AP3B1: variants seen among roughly 807,000 people sequenced by gnomAD.
AP3B1 encodes adaptor related protein complex 3 subunit beta 1.
AP3B1 carries 61 observed loss-of-function variants against 132.5 expected under a neutral mutation model. The ratio of observed to expected loss-of-function variants is 0.46; its 90% CI spans 0.37 to 0.57. The LOEUF is 0.57. Among genes scored for constraint, AP3B1 ranks in the 20% least tolerant of loss-of-function variants. AP3B1 has a pLI of 0.00. For synonymous variants in AP3B1, 388 were observed against 438.3 expected (o/e 0.89, Z 1.43); for missense variants, 1,120 against 1,289.4 (o/e 0.87, Z 2.01).
chr5:78,156,418 T>C, intron 13 of AP3B1, 51 bp from the exon 14 acceptor site: 2 of 1,248,028 alleles, frequency 1.6e-6, no homozygotes, highest in African/African-American at 1.5e-5. Flanking sequence ...TCAATTCAAA[T>C]GCAATATGCT....
intron 14 of AP3B1, among the ~76,000 whole-genome samples, chr5:78,149,877 G>A (rs1004885712): frequency 2.0e-5 from 3 of 151,524 alleles, no homozygotes; most frequent in East Asian, 1.9e-4. Context: ...GTAACTCTCC[G>A]CTGAGAGATG....
chr5:78,260,300 G>A (rs1748031096), intron 2 of AP3B1, among the ~76,000 whole-genome samples: 1 of 151,982 alleles, frequency 6.6e-6, no homozygotes, highest in Non-Finnish European at 1.5e-5. Context: ...TAAAGAATGA[G>A]GAGGGGCCGG....
chr5:78,266,405 C>T (rs1748325032), intron 2 of AP3B1, among the ~76,000 whole-genome samples: 1 of 152,158 alleles, frequency 6.6e-6, no homozygotes, highest in African/African-American at 2.4e-5. Context: ...AAGTCACTTA[C>T]AGATGTCCTA....
intron 22 of AP3B1, among the ~76,000 whole-genome samples, chr5:78,071,696 C>T (rs985780872): frequency 7.9e-5 from 12 of 152,152 alleles, no homozygotes; most frequent in South Asian, 2.1e-4. Flanking sequence ...ATTTGATGAG[C>T]ACCTATTATG....
intron 20 of AP3B1, among the ~76,000 whole-genome samples, chr5:78,104,838 T>C (rs1005711018): frequency 3.3e-5 from 5 of 152,142 alleles, no homozygotes; most frequent in Non-Finnish European, 4.4e-5. Context: ...CTCAGTTTCT[T>C]TGCACCTCCC....
chr5:78,052,594 G>C (rs1467489948), intron 22 of AP3B1, among the ~76,000 whole-genome samples: 1 of 152,146 alleles, frequency 6.6e-6, no homozygotes, highest in Non-Finnish European at 1.5e-5. Context: ...GGGTTGAGTG[G>C]TTGTGGCCTG....
chr5:78,064,106 A>C (rs1178090385), intron 22 of AP3B1, among the ~76,000 whole-genome samples: 1 of 151,442 alleles, frequency 6.6e-6, no homozygotes. Context: ...AAGTAGGGAA[A>C]AAATTTTGCC....
chr5:78,126,147 A>C (rs1752445820), intron 17 of AP3B1, among the ~76,000 whole-genome samples: 1 of 151,960 alleles, frequency 6.6e-6, no homozygotes, highest in African/African-American at 2.4e-5. Flanking sequence ...TAGGAGAGAA[A>C]GTATGTCCGT....
At chr5:78,064,027 G>A (rs553433109) in intron 22 of AP3B1, among the ~76,000 whole-genome samples, 2 of 151,146 alleles carry the variant, frequency 1.3e-5, no homozygotes, top group East Asian at 3.9e-4. Flanking sequence ...GGGGGGGTCG[G>A]GCAGGAAGAG....
At chr5:78,269,908 TTTTG>T (rs1748479345) in intron 1 of AP3B1, among the ~76,000 whole-genome samples, 1 of 152,020 alleles carries the variant, frequency 6.6e-6, no homozygotes, top group African/African-American at 2.4e-5. Context: ...TTTATTATGT[TTTTG>T]TTTGTTTGTT....
chr5:78,060,039 G>A (rs1365022375), intron 22 of AP3B1, among the ~76,000 whole-genome samples: 2 of 152,002 alleles, frequency 1.3e-5, no homozygotes, highest in African/African-American at 4.8e-5. Flanking sequence ...ACAAGTTCAG[G>A]ATAATAAAAT....
intron 11 of AP3B1, among the ~76,000 whole-genome samples, chr5:78,170,672 T>C (rs1477256379): frequency 6.6e-6 from 1 of 152,208 alleles, no homozygotes; most frequent in Non-Finnish European, 1.5e-5. Context: ...TTTTCTCCCA[T>C]TCTGTAGGTG....
intron 1 of AP3B1, among the ~76,000 whole-genome samples, chr5:78,287,750 T>TA (rs58180674): frequency 0.017 from 2,197 of 131,736 alleles, 50 homozygotes; most frequent in African/African-American, 0.051. Flanking sequence ...GTACCCCTTG[T>TA]AAAAAAAAAA....
chr5:78,191,440 G>T (rs1046087556), intron 7 of AP3B1, among the ~76,000 whole-genome samples: 4 of 151,060 alleles, frequency 2.6e-5, no homozygotes, highest in African/African-American at 9.7e-5. Flanking sequence ...CTTTCAGCAG[G>T]TTAACAAAAA....
At chr5:78,096,441 G>C (rs1193758952) in intron 21 of AP3B1, among the ~76,000 whole-genome samples, 1 of 152,042 alleles carries the variant, frequency 6.6e-6, no homozygotes, top group African/African-American at 2.4e-5. Context: ...ACCCCGTCTA[G>C]GAAGTGAGGA....
chr5:78,018,217 C>T (rs1746933575), intron 25 of AP3B1, among the ~76,000 whole-genome samples: 1 of 151,904 alleles, frequency 6.6e-6, no homozygotes, highest in Non-Finnish European at 1.5e-5. Flanking sequence ...ATGCTTGAAA[C>T]TCATAGCAAT....
chr5:78,012,777 C>T (rs1746672705), intron 26 of AP3B1, among the ~76,000 whole-genome samples: 1 of 152,178 alleles, frequency 6.6e-6, no homozygotes, highest in South Asian at 2.1e-4. Flanking sequence ...GTTTTGGGTT[C>T]AATCTCTGCA....
intron 19 of AP3B1, 77 bp from the exon 20 acceptor site, chr5:78,110,431 A>G: frequency 9.2e-7 from 1 of 1,092,386 alleles, no homozygotes; most frequent in Non-Finnish European, 1.3e-6. Flanking sequence ...TTGTTTTTAA[A>G]TTCCAGAATA....
intron 22 of AP3B1, among the ~76,000 whole-genome samples, chr5:78,057,521 A>T (rs1389852929): frequency 1.3e-5 from 2 of 152,312 alleles, no homozygotes; most frequent in African/African-American, 4.8e-5. Context: ...CATTTTAAGA[A>T]CAGGATTTCA....
Sources: gnomAD v4.1 joint callset for allele counts (sites outside exome capture counted in the v4.1 genomes callset) on GRCh38, gnomAD v4.1.1 for gene constraint, MANE v1.5 for transcripts, NCBI Gene and HGNC (gene_info 2026-07-23, HGNC 2026-07-21) for gene names.